CERT1: variants seen among roughly 807,000 people sequenced by gnomAD.
The protein encoded by CERT1 is ceramide transfer protein.
A neutral mutation model predicts 87.9 loss-of-function variants in CERT1; 31 were observed. That is an observed-to-expected ratio of 0.35 (90% CI 0.27 to 0.48). The LOEUF is 0.48. Ranked by LOEUF, CERT1 falls within the 20% of genes least tolerant of loss-of-function variation. CERT1 has a pLI of 0.99. For synonymous variants in CERT1, 289 were observed against 250.9 expected (o/e 1.15, Z -1.44); for missense variants, 487 against 758.0 (o/e 0.64, Z 4.20).
chr5:75,382,905 T>G (rs1300614474), intron 14 of CERT1, among the ~76,000 whole-genome samples: 2 of 152,024 alleles, frequency 1.3e-5, no homozygotes, highest in Non-Finnish European at 2.9e-5. Context: ...TTGGCAAATT[T>G]AGACCTAATG....
intron 2 of CERT1, among the ~76,000 whole-genome samples, chr5:75,502,151 T>A (rs1328672223): frequency 2.0e-5 from 3 of 151,958 alleles, no homozygotes; most frequent in Admixed American, 6.6e-5. Flanking sequence ...AAAAAGTGCA[T>A]AAGCAATTGG....
At chr5:75,475,104 T>C (rs777035550) in intron 2 of CERT1, among the ~76,000 whole-genome samples, 1 of 152,126 alleles carries the variant, frequency 6.6e-6, no homozygotes, top group Non-Finnish European at 1.5e-5. Flanking sequence ...AACTACATCT[T>C]GTCAGTGCCC....
intron 3 of CERT1, among the ~76,000 whole-genome samples, chr5:75,437,768 TA>T (rs201506124): frequency 0.14 from 15,171 of 110,592 alleles, 789 homozygotes; most frequent in South Asian, 0.24. Context: ...TCTGTCTCAT[TA>T]AAAAAAAAAA....
At chr5:75,409,855 C>G (rs77071533) in intron 8 of CERT1, among the ~76,000 whole-genome samples, 11,573 of 148,640 alleles carry the variant, frequency 0.078, 542 homozygotes, top group South Asian at 0.17. Flanking sequence ...TTTAAAGAGA[C>G]AAAGTCTCGC....
At chr5:75,461,153 G>C (rs991528099) in intron 2 of CERT1, among the ~76,000 whole-genome samples, 2 of 152,190 alleles carry the variant, frequency 1.3e-5, no homozygotes, top group Admixed American at 1.3e-4. Context: ...CAGACTCTAG[G>C]TCACAAACCC....
rs181196892 is a variant in CERT1 at position 75,408,735 on chromosome 5, T to C, written c.930+2276A>G. Among the ~76,000 whole-genome samples, 28 of 152,224 alleles carry C rather than the reference T, an allele frequency of 1.8e-4. 1 individual carries two copies. The highest frequency in any genetic ancestry group is 1.7e-3 in the Admixed American group (26 of 15,278). On this transcript the variant is annotated intron_variant, in intron 8 of 16. Coordinates refer to ENST00000643780, the MANE Select transcript of CERT1 (RefSeq NM_001379029.1). ...GCCCAATCTCTGCCAGTACACAATA[T>C]ACTCATGTAACAAACATGCATGTGT...
intron 5 of CERT1, 87 bp from the exon 6 acceptor site, chr5:75,419,511 G>T: frequency 1.1e-6 from 1 of 874,464 alleles, no homozygotes; most frequent in East Asian, 2.7e-5. Flanking sequence ...ATTTTACTCT[G>T]GATTCTGATT....
At chr5:75,420,901 C>T (rs1342193044) in intron 5 of CERT1, among the ~76,000 whole-genome samples, 1 of 152,148 alleles carries the variant, frequency 6.6e-6, no homozygotes, top group Non-Finnish European at 1.5e-5. Flanking sequence ...CAGCTCACTG[C>T]AACCTCCACC....
At chr5:75,375,172 A>C (rs936268893), downstream of CERT1, 1 of 157,662 alleles carries the variant, frequency 6.3e-6, no homozygotes. Flanking sequence ...GCCTGCAATA[A>C]AAATTATGAC....
chr5:75,442,174 T>C (rs748693194), intron 3 of CERT1, among the ~76,000 whole-genome samples: 52 of 152,232 alleles, frequency 3.4e-4, no homozygotes, highest in Non-Finnish European at 6.6e-4. Flanking sequence ...GCTCATGCAT[T>C]GACTTTTACT....
At chr5:75,419,520 TTC>T (rs1489538700) in intron 5 of CERT1, 96 bp from the exon 6 acceptor site, 3 of 815,446 alleles carry the variant, frequency 3.7e-6, no homozygotes, top group Non-Finnish European at 6.0e-6. Flanking sequence ...TGGATTCTGA[TTC>T]TGAGTATGAA....
intron 5 of CERT1, among the ~76,000 whole-genome samples, chr5:75,424,269 T>C (rs1450844171): frequency 1.3e-5 from 2 of 151,732 alleles, no homozygotes; most frequent in Non-Finnish European, 2.9e-5. Context: ...AGAAAAAGGG[T>C]AGAGAAAGGG....
At chr5:75,400,960 T>G (rs1762447396) in intron 9 of CERT1, 1 of 152,224 alleles carries the variant, frequency 6.6e-6, no homozygotes, top group Non-Finnish European at 1.5e-5. Context: ...TAACGTAAAC[T>G]CAAACATGTG....
At chr5:75,448,392 C>T (rs537495598) in intron 3 of CERT1, among the ~76,000 whole-genome samples, 53 of 152,224 alleles carry the variant, frequency 3.5e-4, no homozygotes, top group Non-Finnish European at 3.1e-4. Flanking sequence ...TTTTAACCTG[C>T]GGGATACTAA....
chr5:75,427,999 T>G (rs1030218668), intron 3 of CERT1, among the ~76,000 whole-genome samples: 1 of 152,148 alleles, frequency 6.6e-6, no homozygotes, highest in Non-Finnish European at 1.5e-5. Flanking sequence ...GAAACAAAAT[T>G]ATATACAATG....
At chr5:75,417,107 G>T (rs975476168) in intron 6 of CERT1, 74 bp from the exon 7 acceptor site, 67 of 1,243,502 alleles carry the variant, frequency 5.4e-5, no homozygotes, top group Non-Finnish European at 7.3e-5. Flanking sequence ...ATTAGAAAAT[G>T]TTTAGAAAAT....
intron 14 of CERT1, among the ~76,000 whole-genome samples, chr5:75,384,287 T>C (rs911983721): frequency 1.3e-5 from 2 of 152,134 alleles, no homozygotes; most frequent in African/African-American, 4.8e-5. Flanking sequence ...TAGTTCCAAT[T>C]ACTTGAGAGG....
intron 6 of CERT1, among the ~76,000 whole-genome samples, chr5:75,418,352 G>A (rs1358139593): frequency 6.6e-6 from 1 of 152,142 alleles, no homozygotes; most frequent in Non-Finnish European, 1.5e-5. Context: ...TTTGAAGACT[G>A]ACCATATTAA....
intron 10 of CERT1, among the ~76,000 whole-genome samples, chr5:75,399,641 T>C (rs1762387482): frequency 6.6e-6 from 1 of 152,214 alleles, no homozygotes; most frequent in African/African-American, 2.4e-5. Context: ...TTAGTATAAC[T>C]GGATATACTT....
Sources: gnomAD v4.1 joint callset for allele counts (sites outside exome capture counted in the v4.1 genomes callset) on GRCh38, gnomAD v4.1.1 for gene constraint, MANE v1.5 for transcripts, NCBI Gene and HGNC (gene_info 2026-07-23, HGNC 2026-07-21) for gene names.